C1GALT1: variants seen among roughly 807,000 people sequenced by gnomAD.
The protein encoded by C1GALT1 is glycoprotein-N-acetylgalactosamine 3-beta-galactosyltransferase 1.
C1GALT1 carries 11 observed loss-of-function variants against 31.0 expected under a neutral mutation model. The observed-to-expected ratio is 0.36, with a 90% CI of 0.22 to 0.59. The LOEUF is 0.59. Ranked by LOEUF, C1GALT1 falls within the 20% of genes least tolerant of loss-of-function variation. The pLI is 0.79. For synonymous variants in C1GALT1, 175 were observed against 143.6 expected, an observed-to-expected ratio of 1.22 and a Z score of -1.56; for missense variants, 424 against 425.2, an observed-to-expected ratio of 1.00 and a Z score of 0.03.
chr7:7,169,215 C>G (rs149841990), intron 2 of C1GALT1, among the ~76,000 whole-genome samples: 11 of 152,222 alleles, frequency 7.2e-5, no homozygotes, highest in South Asian at 2.1e-4. Context: ...TGAATAATAT[C>G]CCACTGTATG....
intron 1 of C1GALT1, among the ~76,000 whole-genome samples, chr7:7,218,157 G>C (rs751526176): frequency 1.1e-4 from 16 of 152,190 alleles, no homozygotes; most frequent in Non-Finnish European, 2.1e-4. Flanking sequence ...GTTAGTTACA[G>C]GTCTGTGGAG....
chr7:7,205,388 T>TA (rs1301396623), intron 1 of C1GALT1, among the ~76,000 whole-genome samples: 2 of 152,186 alleles, frequency 1.3e-5, no homozygotes, highest in African/African-American at 2.4e-5. Context: ...GTTCTTATGA[T>TA]AAACTACAGA....
At chr7:7,228,435 C>G (rs746193959) in intron 1 of C1GALT1, among the ~76,000 whole-genome samples, 6 of 152,140 alleles carry the variant, frequency 3.9e-5, no homozygotes, top group Non-Finnish European at 8.8e-5. Flanking sequence ...TTCCCCCACC[C>G]AATTCAAAGA....
At chr7:7,181,273 G>GTATTGC (rs1349033458), upstream of C1GALT1, among the ~76,000 whole-genome samples, 2 of 151,958 alleles carry the variant, frequency 1.3e-5, no homozygotes, top group Admixed American at 6.6e-5. Context: ...AAGGTGGAGG[G>GTATTGC]GGAGGAGGCT....
At chr7:7,204,089 C>T (rs547831100) in intron 1 of C1GALT1, among the ~76,000 whole-genome samples, 2 of 144,674 alleles carry the variant, frequency 1.4e-5, no homozygotes, top group Non-Finnish European at 3.0e-5. Flanking sequence ...AGTGTTCCCT[C>T]CTCTTCTGTT....
rs781554903 is a variant in C1GALT1 at position 7,234,334 on chromosome 7, C to T, written c.15C>T (p.Ser5=). Residue 5 remains serine (S), a synonymous_variant, in exon 2 of 4, where the codon TCC becomes TCT. Transcript: ENST00000436587. Reference sequence around the variant, plus strand: ...ACTTTCGGGAAATGGCCTCTAAATCCTGGCTGAATTTTTTAACCTTCCTCT... The same window carrying T: ...ACTTTCGGGAAATGGCCTCTAAATCTTGGCTGAATTTTTTAACCTTCCTCT... MASK[S]WLNFLTFLCG... The T allele has an allele frequency of 1.2e-6, 2 of 1,613,576 alleles. No homozygotes were observed. Among genetic ancestry groups the T allele is most frequent in the African/African-American group, 1.3e-5 (1 of 74,994 alleles).
intron 1 of C1GALT1, among the ~76,000 whole-genome samples, chr7:7,184,493 AATTT>A (rs1442961385): frequency 6.6e-6 from 1 of 152,228 alleles, no homozygotes; most frequent in Non-Finnish European, 1.5e-5. Context: ...TTGTATCACA[AATTT>A]ATTTCAGGGT....
At position 7,204,677 on chromosome 7, in the gene C1GALT1, G is replaced by A. The variant is rs55740843; in HGVS notation, c.-18+21857G>A. Reference sequence around the variant, plus strand: ...GAATTGAGAACTTTCTTTTTGTTTCGTGTGTTAATAACTATAAATGTCTTC... The same window carrying A: ...GAATTGAGAACTTTCTTTTTGTTTCATGTGTTAATAACTATAAATGTCTTC... On this transcript the variant is annotated intron_variant, in intron 1 of 3. Coordinates refer to ENST00000436587, the MANE Select transcript of C1GALT1 (RefSeq NM_020156.5). Among the ~76,000 whole-genome samples, 212 of 151,750 alleles carry A rather than the reference G, an allele frequency of 1.4e-3. 1 individual carries two copies. Among genetic ancestry groups the A allele is most frequent in the Non-Finnish European group, 2.4e-3 (162 of 67,870 alleles).
chr7:7,229,984 G>A (rs1018680559), intron 1 of C1GALT1, among the ~76,000 whole-genome samples: 20 of 152,180 alleles, frequency 1.3e-4, no homozygotes, highest in African/African-American at 4.6e-4. Context: ...GTTTCAGATG[G>A]TTAATTTACA....
At chr7:7,239,902 T>C (rs1783545106) in intron 3 of C1GALT1, among the ~76,000 whole-genome samples, 1 of 152,216 alleles carries the variant, frequency 6.6e-6, no homozygotes, top group South Asian at 2.1e-4. Flanking sequence ...ACATGTCTGC[T>C]GTGTTCACTA....
Position 7,238,208 on chromosome 7 carries a change from G to A in C1GALT1, c.221-47G>A. 6.9e-7 allele frequency: 1 copy of A among 1,447,868 alleles called. No homozygotes were observed. The highest frequency in any genetic ancestry group is 9.3e-7 in the Non-Finnish European group (1 of 1,070,912). 89.7% of individuals were successfully genotyped at this position (1,447,868 alleles called of 1,614,324 possible). A position where few individuals can be genotyped will look rare whatever the true frequency, so the allele number is the denominator to read the frequency against. ...CTTCAGTATAATTTATTAATATTTG[G>A]ATTTTACATCTATGTAAATAACCTT... On this transcript the variant is annotated intron_variant, in intron 2 of 3. Transcript: ENST00000436587. The surrounding 1 kb of genome is among the most constrained non-coding windows in gnomAD (Gnocchi z 5.2).
At position 7,238,363 on chromosome 7, in the gene C1GALT1, C is replaced by CTTGGGCCCAGCGTTGTAACAAAG; in HGVS notation, c.331_353dup (p.Leu119GlyfsTer11). The CTTGGGCCCAGCGTTGTAACAAAG allele has an allele frequency of 6.2e-7, 1 of 1,614,118 alleles. No individual in the cohort carries two copies. The highest frequency in any genetic ancestry group is 8.5e-7 in the Non-Finnish European group (1 of 1,180,000). ...AAAAAGGCCAAACACGTCAAAGCTA[C>CTTGGGCCCAGCGTTGTAACAAAG]TTGGGCCCAGCGTTGTAACAAAGTG... On this transcript the variant is annotated frameshift_variant, in exon 3 of 4. Coordinates refer to ENST00000436587, the MANE Select transcript of C1GALT1 (RefSeq NM_020156.5). LOFTEE classifies it high-confidence loss of function. The surrounding 1 kb of genome is among the most constrained non-coding windows in gnomAD (Gnocchi z 5.2).
chr7:7,222,758 C>T (rs534242722), intron 1 of C1GALT1, among the ~76,000 whole-genome samples: 40 of 152,192 alleles, frequency 2.6e-4, no homozygotes, highest in South Asian at 8.3e-4. Flanking sequence ...TTGATATTTT[C>T]GGACAGGTAT....
chr7:7,183,017 A>T (rs1272530755), intron 1 of C1GALT1, among the ~76,000 whole-genome samples, 197 bp downstream of exon 1: 1 of 151,974 alleles, frequency 6.6e-6, no homozygotes, highest in Non-Finnish European at 1.5e-5. Context: ...CCGCTCCCGG[A>T]GCCTTAGCGA....
chr7:7,162,914 C>A (rs1208853146), intron 2 of C1GALT1, among the ~76,000 whole-genome samples: 1 of 152,148 alleles, frequency 6.6e-6, no homozygotes, highest in Non-Finnish European at 1.5e-5. Flanking sequence ...TAAATGTCTT[C>A]TTTTGAGAAG....
At position 7,182,667 on chromosome 7, in the gene C1GALT1, G is replaced by C. The variant is rs1387113016; in HGVS notation, c.-171G>C. On this transcript the variant is annotated 5_prime_UTR_variant, in exon 1 of 4. Transcript: ENST00000436587. ...CCTTGGCCGCCGCCGCTGTGCTGCC[G>C]CTGCCGGGGAATAATCTGGGCGGCA... The C allele has an allele frequency of 2.4e-5, 10 of 408,872 alleles. No homozygotes were observed. The highest frequency in any genetic ancestry group is 3.3e-5 in the Non-Finnish European group (10 of 302,848). The allele number at this position is 408,872 out of a possible 1,614,324, so 25.3% of individuals were successfully genotyped here.
chr7:7,220,254 A>G (rs1449166759), intron 1 of C1GALT1, among the ~76,000 whole-genome samples: 2 of 152,250 alleles, frequency 1.3e-5, no homozygotes, highest in African/African-American at 4.8e-5. Context: ...AAATTAATTT[A>G]AAGCACTTAG....
chr7:7,163,275 C>T (rs1780357284), intron 2 of C1GALT1, among the ~76,000 whole-genome samples: 1 of 152,096 alleles, frequency 6.6e-6, no homozygotes, highest in African/African-American at 2.4e-5. Context: ...TTTAATCCAT[C>T]TTGAATTAAT....
intron 1 of C1GALT1, among the ~76,000 whole-genome samples, chr7:7,187,672 C>T (rs1477691226): frequency 1.3e-5 from 2 of 152,026 alleles, no homozygotes; most frequent in East Asian, 3.9e-4. Context: ...ATGTCAGTAG[C>T]GCCAAGGTTA....
Sources: allele counts gnomAD v4.1 joint callset (sites outside exome capture counted in the v4.1 genomes callset), GRCh38; gene constraint gnomAD v4.1.1; non-coding constraint Gnocchi (gnomAD v3.1); transcripts MANE v1.5; gene names NCBI Gene and HGNC (gene_info 2026-07-23, HGNC 2026-07-21).